Variants in IGF1 observed in about 807,000 individuals in gnomAD.
IGF1 encodes insulin-like growth factor 1.
A neutral mutation model predicts 13.8 loss-of-function variants in IGF1; 4 were observed. That is an observed-to-expected ratio of 0.29 (90% CI 0.14 to 0.66). The LOEUF (loss-of-function observed/expected upper bound fraction) is 0.66, where lower values mean the gene tolerates loss of function less well. Ranked by LOEUF, IGF1 falls within the 30% of genes least tolerant of loss-of-function variation. The pLI is 0.78. For missense variants in IGF1, 124 were observed against 188.5 expected, an observed-to-expected ratio of 0.66 and a Z score of 2.00; for synonymous variants, 76 against 72.6, an observed-to-expected ratio of 1.05 and a Z score of -0.23.
At chr12:102,411,429 G>T (rs868373084) in intron 3 of IGF1, among the ~76,000 whole-genome samples, 1 of 152,190 alleles carries the variant, frequency 6.6e-6, no homozygotes, top group Non-Finnish European at 1.5e-5. Flanking sequence ...GGCAGGGCTA[G>T]TTGGTCCTTG....
chr12:102,472,183 C>G (rs1183741147), intron 2 of IGF1, among the ~76,000 whole-genome samples: 1 of 152,132 alleles, frequency 6.6e-6, no homozygotes, highest in Non-Finnish European at 1.5e-5. Flanking sequence ...GAGTAATTAG[C>G]TCTTCATTGG....
chr12:102,453,560 T>A (rs533968050), intron 2 of IGF1, among the ~76,000 whole-genome samples: 1 of 152,018 alleles, frequency 6.6e-6, no homozygotes, highest in Non-Finnish European at 1.5e-5. Flanking sequence ...ATAAGTAAGG[T>A]TGGGAAAATT....
intron 2 of IGF1, among the ~76,000 whole-genome samples, chr12:102,426,228 T>C (rs1338137155): frequency 6.6e-6 from 1 of 152,198 alleles, no homozygotes; most frequent in Non-Finnish European, 1.5e-5. Flanking sequence ...TAAGCTTTCA[T>C]TTGGCAAAGG....
chr12:102,442,588 A>G (rs1355804897), intron 2 of IGF1, among the ~76,000 whole-genome samples: 2 of 152,094 alleles, frequency 1.3e-5, no homozygotes, highest in Non-Finnish European at 2.9e-5. Context: ...TGCTGATTCT[A>G]ATTGTCATCT....
At chr12:102,434,565 T>G (rs1475157303) in intron 2 of IGF1, among the ~76,000 whole-genome samples, 36 of 147,506 alleles carry the variant, frequency 2.4e-4, no homozygotes, top group African/African-American at 8.0e-4. Context: ...GACATTTGGG[T>G]TGGTTCCAAG....
intron 2 of IGF1, among the ~76,000 whole-genome samples, chr12:102,454,562 T>C (rs1296176059): frequency 1.3e-5 from 2 of 152,248 alleles, no homozygotes; most frequent in African/African-American, 4.8e-5. Context: ...TTGCCACCTT[T>C]GCGAATAAGC....
intron 2 of IGF1, among the ~76,000 whole-genome samples, chr12:102,469,584 T>C (rs894783242): frequency 2.0e-5 from 3 of 152,166 alleles, no homozygotes; most frequent in African/African-American, 7.2e-5. Context: ...AAATATAGGG[T>C]CATTACATAG....
chr12:102,448,630 G>A (rs1473378680), intron 2 of IGF1, among the ~76,000 whole-genome samples: 3 of 141,202 alleles, frequency 2.1e-5, no homozygotes, highest in African/African-American at 7.9e-5. Flanking sequence ...CATGGCACAT[G>A]TATACATATG....
intron 2 of IGF1, among the ~76,000 whole-genome samples, chr12:102,434,775 T>C (rs1295066831): frequency 6.6e-6 from 1 of 151,412 alleles, no homozygotes; most frequent in Non-Finnish European, 1.5e-5. Flanking sequence ...AGTGTAAAAG[T>C]GTTCCTATTT....
At chr12:102,466,750 A>G (rs147160967) in intron 2 of IGF1, among the ~76,000 whole-genome samples, 329 of 152,220 alleles carry the variant, frequency 2.2e-3, no homozygotes, top group Admixed American at 4.6e-3. Flanking sequence ...AAAAAATACA[A>G]AAGTTAGCCA....
chr12:102,466,473 C>T (rs1301608857), intron 2 of IGF1, among the ~76,000 whole-genome samples: 4 of 152,104 alleles, frequency 2.6e-5, no homozygotes, highest in East Asian at 1.9e-4. Flanking sequence ...TACTAGTTAT[C>T]GTATAATGCA....
intron 2 of IGF1, among the ~76,000 whole-genome samples, chr12:102,472,357 G>A (rs1300816507): frequency 6.9e-6 from 1 of 144,774 alleles, no homozygotes. Flanking sequence ...TCACATCATT[G>A]GGTCAATCTA....
At chr12:102,444,607 T>A (rs1449806694) in intron 2 of IGF1, among the ~76,000 whole-genome samples, 1 of 152,084 alleles carries the variant, frequency 6.6e-6, no homozygotes, top group Non-Finnish European at 1.5e-5. Context: ...CATTTTAAAT[T>A]TATGATGACA....
intron 1 of IGF1, among the ~76,000 whole-genome samples, chr12:102,476,671 T>G (rs1394563218): frequency 1.3e-5 from 2 of 152,214 alleles, no homozygotes; most frequent in African/African-American, 4.8e-5. Flanking sequence ...TTTTATTTTA[T>G]TTTTAGTCAC....
At chr12:102,451,752 G>T (rs891185082) in intron 2 of IGF1, among the ~76,000 whole-genome samples, 1 of 152,122 alleles carries the variant, frequency 6.6e-6, no homozygotes, top group Non-Finnish European at 1.5e-5. Context: ...TGTCAGTTTG[G>T]TTCAGTGTTG....
At chr12:102,466,233 G>A (rs895527233) in intron 2 of IGF1, among the ~76,000 whole-genome samples, 1 of 152,192 alleles carries the variant, frequency 6.6e-6, no homozygotes, top group Non-Finnish European at 1.5e-5. Context: ...CCAGGCAATG[G>A]ACCATAGGCT....
intron 2 of IGF1, among the ~76,000 whole-genome samples, chr12:102,473,028 C>T (rs1880783727): frequency 6.6e-6 from 1 of 152,136 alleles, no homozygotes; most frequent in Non-Finnish European, 1.5e-5. Flanking sequence ...CGATTGGATT[C>T]AACTAGACTC....
rs756533031 is a variant in IGF1, at chr12:102,402,522, C to G, written c.447G>C (p.Lys149Asn). 5.1e-6 allele frequency: 4 copies of G among 780,872 alleles called. No individual in the cohort carries two copies. The highest frequency in any genetic ancestry group is 9.6e-6 in the Non-Finnish European group (4 of 417,976). The allele number at this position is 780,872 out of a possible 1,614,324, so 48.4% of individuals were successfully genotyped here. Reference sequence around the variant, plus strand: ...GAGGGTCTTCCTACATCCTGTAGTTCTTGTTTCCTGCACTCCCTCTACTTG... The same window carrying G: ...GAGGGTCTTCCTACATCCTGTAGTTGTTGTTTCCTGCACTCCCTCTACTTG... ...KNASRGSAGN[K>N]NYRM is the part of the protein sequence containing the mutation. The change falls in exon 4 of 4, where the codon AAG becomes AAC. Residue 149 changes from lysine (K) to asparagine (N), a missense_variant. Physicochemically the swap from Lys to Asn is moderately conservative, Grantham distance 94. Around this residue, in one of 2 missense-constraint regions of IGF1, gnomAD observed 25 missense variants for 17.1 expected, o/e 1.47. Coordinates refer to ENST00000337514, the MANE Select transcript of IGF1 (RefSeq NM_000618.5).
chr12:102,424,228 A>T (rs1305180201), intron 2 of IGF1, among the ~76,000 whole-genome samples: 1 of 150,764 alleles, frequency 6.6e-6, no homozygotes, highest in Non-Finnish European at 1.5e-5. Context: ...AAGAGGTTCC[A>T]AAGTTGATCC....
Sources: allele counts gnomAD v4.1 joint callset (sites outside exome capture counted in the v4.1 genomes callset), GRCh38; gene constraint gnomAD v4.1.1; regional missense constraint gnomAD v4.1.1; transcripts MANE v1.5; gene names NCBI Gene and HGNC (gene_info 2026-07-23, HGNC 2026-07-21).